Variants in LY6S observed in about 807,000 individuals in gnomAD.
The protein encoded by LY6S is lymphocyte antigen 6S.
At chr8:143,064,668 G>A in the LY6S span, among the ~76,000 whole-genome samples, 1 of 152,058 alleles carries the variant, frequency 6.6e-6, no homozygotes. Flanking sequence ...TGTGTCTGTG[G>A]GTATGCAAAA....
At chr8:143,073,944 G>A in the LY6S span, among the ~76,000 whole-genome samples, 54,286 of 117,562 alleles carry the variant, frequency 0.46, 10,656 homozygotes, top group South Asian at 0.59. Context: ...CGTCGTCCCC[G>A]GGGTCCCTGT....
chr8:143,066,017 C>T, the LY6S span: 2 of 366,414 alleles, frequency 5.5e-6, no homozygotes, highest in African/African-American at 2.2e-5. Context: ...TCCTGACTAC[C>T]TTGCTGTGCA....
the LY6S span, chr8:143,043,267 G>A: frequency 7.4e-7 from 1 of 1,358,900 alleles, no homozygotes; most frequent in Non-Finnish European, 9.8e-7. Context: ...GCACTTGTAA[G>A]TTTCAGCAGG....
the LY6S span, among the ~76,000 whole-genome samples, chr8:143,070,483 A>ATTTTTT: frequency 2.3e-4 from 20 of 85,946 alleles, no homozygotes; most frequent in African/African-American, 1.4e-3. Context: ...ATAAATATAT[A>ATTTTTT]TATATATTTT....
the LY6S span, chr8:143,043,288 C>T: frequency 0.033 from 44,053 of 1,317,058 alleles, 897 homozygotes; most frequent in Non-Finnish European, 0.038. Flanking sequence ...GGGAATCCGA[C>T]GTCCTTCTGG....
chr8:143,070,429 TATATTATATATATATTGTA>T, the LY6S span, among the ~76,000 whole-genome samples: 3 of 100,686 alleles, frequency 3.0e-5, no homozygotes, highest in African/African-American at 1.7e-4. Context: ...TATTTATATA[TATATTATATATATATTGTA>T]TATATATATA....
At chr8:143,073,098 T>C in the LY6S span, among the ~76,000 whole-genome samples, 10 of 119,310 alleles carry the variant, frequency 8.4e-5, no homozygotes, top group South Asian at 5.4e-4. Context: ...GTCCCCGGGG[T>C]TCCTGTTTGA....
chr8:143,072,578 G>A, the LY6S span, among the ~76,000 whole-genome samples: 1 of 126,150 alleles, frequency 7.9e-6, no homozygotes, highest in Non-Finnish European at 1.6e-5. Context: ...GACAGCCGTC[G>A]TCCTCGGGGT....
the LY6S span, among the ~76,000 whole-genome samples, chr8:143,046,389 A>G: frequency 2.0e-5 from 3 of 151,992 alleles, no homozygotes; most frequent in Admixed American, 2.0e-4. Context: ...CATCCTGCCT[A>G]ACATAGTGAA....
chr8:143,052,553 G>A, the LY6S span, among the ~76,000 whole-genome samples: 541 of 152,264 alleles, frequency 3.6e-3, 3 homozygotes, highest in South Asian at 6.0e-3. Flanking sequence ...AATACCTTTT[G>A]GTTTTGTAGA....
chr8:143,056,330 T>TA, the LY6S span, among the ~76,000 whole-genome samples: 1 of 151,370 alleles, frequency 6.6e-6, no homozygotes, highest in Non-Finnish European at 1.5e-5. Flanking sequence ...TCCAAGGACT[T>TA]ATGATGTCAA....
the LY6S span, among the ~76,000 whole-genome samples, chr8:143,049,764 C>T: frequency 6.6e-6 from 1 of 152,234 alleles, no homozygotes; most frequent in African/African-American, 2.4e-5. Context: ...TGGAGCTGCT[C>T]GCACTGGGAC....
the LY6S span, among the ~76,000 whole-genome samples, chr8:143,060,145 C>T: frequency 6.6e-6 from 1 of 152,134 alleles, no homozygotes; most frequent in Non-Finnish European, 1.5e-5. Flanking sequence ...TCTGTCATGC[C>T]CGGACAGGGC....
the LY6S span, among the ~76,000 whole-genome samples, chr8:143,073,450 G>A: frequency 2.8e-5 from 3 of 107,944 alleles, no homozygotes; most frequent in East Asian, 3.6e-4. Flanking sequence ...CCTGTTTGAG[G>A]AGACAGCCGT....
the LY6S span, among the ~76,000 whole-genome samples, chr8:143,067,501 C>T: frequency 2.0e-5 from 3 of 152,152 alleles, no homozygotes; most frequent in Admixed American, 1.3e-4. Flanking sequence ...GAGTATTTCT[C>T]GTCAGGTGGA....
At chr8:143,051,331 A>G in the LY6S span, among the ~76,000 whole-genome samples, 2 of 152,320 alleles carry the variant, frequency 1.3e-5, no homozygotes, top group Non-Finnish European at 2.9e-5. Context: ...ATCTGAGGTC[A>G]GGAGTTCGAG....
the LY6S span, among the ~76,000 whole-genome samples, chr8:143,072,555 C>T: frequency 7.2e-4 from 40 of 55,270 alleles, no homozygotes; most frequent in Admixed American, 1.1e-3. Flanking sequence ...TCCTCGTGGT[C>T]CCTGTTTGAG....
chr8:143,042,939 G>A, the LY6S span: 3 of 1,233,720 alleles, frequency 2.4e-6, no homozygotes, highest in East Asian at 1.4e-4. Flanking sequence ...AGTTTAAGCA[G>A]GGATATGTTC....
At chr8:143,071,158 A>G in the LY6S span, among the ~76,000 whole-genome samples, 3 of 152,152 alleles carry the variant, frequency 2.0e-5, no homozygotes, top group South Asian at 6.3e-4. Flanking sequence ...CATGGAATAC[A>G]GACTCAGGAG....
Sources: allele counts gnomAD v4.1 joint callset (sites outside exome capture counted in the v4.1 genomes callset), GRCh38; gene constraint gnomAD v4.1.1; transcripts MANE v1.5; gene names NCBI Gene and HGNC (gene_info 2026-07-23, HGNC 2026-07-21).